CDH12: variants seen among roughly 807,000 people sequenced by gnomAD.
The protein encoded by CDH12 is cadherin 12.
Under a neutral mutation model 74.1 loss-of-function variants are expected in CDH12, and 41 were observed. That is an observed-to-expected ratio of 0.55 (90% CI 0.43 to 0.72). CDH12 has a LOEUF of 0.72. CDH12 is among the 30% of genes least tolerant of loss of function. The probability of loss-of-function intolerance (pLI) is 0.00; values close to 1 mark genes in which losing one functional copy is unlikely to be tolerated. For synonymous variants in CDH12, 399 were observed against 355.0 expected (o/e 1.12, Z -1.39); for missense variants, 945 against 977.2 (o/e 0.97, Z 0.44).
chr5:22,630,384 A>G (rs1738522249), intron 1 of CDH12, among the ~76,000 whole-genome samples: 1 of 152,134 alleles, frequency 6.6e-6, no homozygotes, highest in Non-Finnish European at 1.5e-5. Context: ...CACATTATCC[A>G]ACTTCGAACT....
chr5:22,785,435 C>T (rs1457060904), intron 1 of CDH12, among the ~76,000 whole-genome samples: 2 of 152,174 alleles, frequency 1.3e-5, no homozygotes, highest in African/African-American at 2.4e-5. Flanking sequence ...ATTTTTCTGA[C>T]ATTTAGATTA....
chr5:22,502,951 T>G (rs1028070304), intron 2 of CDH12, among the ~76,000 whole-genome samples: 12 of 152,242 alleles, frequency 7.9e-5, no homozygotes, highest in African/African-American at 2.9e-4. Flanking sequence ...ATCTATATCC[T>G]CTTCTTTACA....
chr5:22,193,338 A>T (rs572274069), intron 4 of CDH12, among the ~76,000 whole-genome samples: 43 of 152,380 alleles, frequency 2.8e-4, no homozygotes, highest in Admixed American at 7.8e-4. Flanking sequence ...TAACTTTGTT[A>T]AAACTAGATT....
chr5:22,219,130 A>G (rs1751924457), intron 3 of CDH12, among the ~76,000 whole-genome samples: 1 of 151,714 alleles, frequency 6.6e-6, no homozygotes, highest in South Asian at 2.1e-4. Flanking sequence ...TAGCTTCTCC[A>G]TAATGTGTAT....
chr5:22,530,152 T>C (rs557594802), intron 1 of CDH12, among the ~76,000 whole-genome samples: 53 of 152,316 alleles, frequency 3.5e-4, no homozygotes, highest in Non-Finnish European at 5.7e-4. Flanking sequence ...AAAGAGTAAG[T>C]TCCTTCTGAA....
At chr5:22,046,916 A>C (rs1739994804) in intron 5 of CDH12, among the ~76,000 whole-genome samples, 2 of 152,156 alleles carry the variant, frequency 1.3e-5, no homozygotes, top group Non-Finnish European at 2.9e-5. Flanking sequence ...TAAATGTTGG[A>C]GATTCACCTG....
At chr5:22,714,385 T>C (rs367871811) in intron 1 of CDH12, among the ~76,000 whole-genome samples, 3 of 152,312 alleles carry the variant, frequency 2.0e-5, no homozygotes, top group East Asian at 3.9e-4. Flanking sequence ...ACCTGCTCCA[T>C]GGAGCTAGTA....
intron 4 of CDH12, among the ~76,000 whole-genome samples, chr5:22,153,039 T>G (rs2150311327): frequency 6.6e-6 from 1 of 152,266 alleles, no homozygotes; most frequent in Non-Finnish European, 1.5e-5. Context: ...TTTCTGTACC[T>G]GAGCTATTGA....
chr5:22,235,169 T>C (rs1048105692), intron 3 of CDH12, among the ~76,000 whole-genome samples: 1 of 152,180 alleles, frequency 6.6e-6, no homozygotes, highest in Non-Finnish European at 1.5e-5. Flanking sequence ...CACTTATAAA[T>C]TGTGAAGGAC....
chr5:22,178,378 A>C (rs1749455330), intron 4 of CDH12, among the ~76,000 whole-genome samples: 1 of 152,126 alleles, frequency 6.6e-6, no homozygotes, highest in Non-Finnish European at 1.5e-5. Context: ...CAAAATTATA[A>C]ATACCTATGG....
At chr5:22,447,159 T>C (rs1389260998) in intron 2 of CDH12, among the ~76,000 whole-genome samples, 1 of 152,164 alleles carries the variant, frequency 6.6e-6, no homozygotes, top group Non-Finnish European at 1.5e-5. Context: ...AGGGCTATAA[T>C]TCCAATAGAT....
At chr5:21,923,352 C>A (rs1355026996) in intron 6 of CDH12, among the ~76,000 whole-genome samples, 1 of 152,044 alleles carries the variant, frequency 6.6e-6, no homozygotes, top group African/African-American at 2.4e-5. Flanking sequence ...TGTGTGTATA[C>A]AATTACAAAT....
intron 6 of CDH12, among the ~76,000 whole-genome samples, chr5:21,857,545 C>A (rs779043782): frequency 2.0e-5 from 3 of 151,712 alleles, no homozygotes; most frequent in African/African-American, 7.3e-5. Context: ...ATAGTAATAA[C>A]TATATTCTAT....
intron 3 of CDH12, among the ~76,000 whole-genome samples, chr5:22,340,496 A>G (rs1173602946): frequency 1.3e-5 from 2 of 150,338 alleles, no homozygotes; most frequent in Non-Finnish European, 2.9e-5. Context: ...ACTGCACTCC[A>G]GCCTGGGCAA....
chr5:22,834,551 C>T lies in CDH12; in HGVS notation c.-523+18507G>A, dbSNP rs62342500. Among the ~76,000 whole-genome samples the T allele has an allele frequency of 8.2e-3, 1,242 of 152,156 alleles. 6 individuals carry two copies. The highest frequency in any genetic ancestry group is 0.028 in the South Asian group (136 of 4,814). On this transcript the variant is annotated intron_variant, in intron 1 of 14. Coordinates refer to ENST00000382254, the MANE Select transcript of CDH12 (RefSeq NM_004061.5). ...CTTTTTCAAACTTATTCCCTTTCAA[C>T]ACAAAGCAAAGAAAAAGTTATGGCT...
chr5:22,280,368 A>C (rs926405173), intron 3 of CDH12, among the ~76,000 whole-genome samples: 4 of 152,196 alleles, frequency 2.6e-5, no homozygotes, highest in African/African-American at 9.6e-5. Context: ...GAAATAACTA[A>C]GATCAGAGCA....
chr5:22,642,038 A>C (rs970827084), intron 1 of CDH12, among the ~76,000 whole-genome samples: 15 of 152,208 alleles, frequency 9.9e-5, no homozygotes, highest in African/African-American at 3.6e-4. Flanking sequence ...CCAGGTAAAT[A>C]TTTAAGTAAA....
chr5:22,794,216 G>A (rs1177474052), intron 1 of CDH12, among the ~76,000 whole-genome samples: 1 of 152,142 alleles, frequency 6.6e-6, no homozygotes, highest in Non-Finnish European at 1.5e-5. Flanking sequence ...TGGAAGGGCT[G>A]CCTTCTCCAT....
chr5:22,575,596 G>C (rs269872), intron 1 of CDH12, among the ~76,000 whole-genome samples: 1 of 151,746 alleles, frequency 6.6e-6, no homozygotes, highest in South Asian at 2.1e-4. Context: ...ACAGAGTCTC[G>C]CTCTATCTCC....
Sources: allele counts gnomAD v4.1 joint callset (sites outside exome capture counted in the v4.1 genomes callset), GRCh38; gene constraint gnomAD v4.1.1; transcripts MANE v1.5; gene names NCBI Gene and HGNC (gene_info 2026-07-23, HGNC 2026-07-21).